Variants in RIMS3 observed in about 807,000 individuals in gnomAD.
The protein encoded by RIMS3 is regulating synaptic membrane exocytosis protein 3.
In RIMS3, 15 loss-of-function variants were observed where a neutral mutation model predicts 29.2. The observed-to-expected ratio is 0.51, with a 90% CI of 0.34 to 0.79. The LOEUF is 0.79. Ranked by LOEUF, RIMS3 falls within the 30% of genes least tolerant of loss-of-function variation. RIMS3 has a pLI of 0.01. For synonymous variants in RIMS3, 161 were observed against 170.1 expected (o/e 0.95, Z 0.41); for missense variants, 342 against 421.4 (o/e 0.81, Z 1.65).
At chr1:40,633,287 C>T in intron 4 of RIMS3, 106 bp from the exon 5 acceptor site, 3 of 769,080 alleles carry the variant, frequency 3.9e-6, no homozygotes, top group South Asian at 1.6e-5. Context: ...GGGCACGTCC[C>T]TCTGTGCCTC....
the RIMS3 span, among the ~76,000 whole-genome samples, chr1:40,676,483 C>T: frequency 1.3e-5 from 2 of 152,158 alleles, no homozygotes; most frequent in African/African-American, 2.4e-5. Context: ...ACTCCTCCTT[C>T]GATTGTATCT....
chr1:40,677,560 T>A, the RIMS3 span, among the ~76,000 whole-genome samples: 52 of 151,824 alleles, frequency 3.4e-4, no homozygotes, highest in African/African-American at 1.2e-3. Context: ...TAGCCAGGCA[T>A]GGTGGCGGGC....
At chr1:40,633,285 C>T (rs1646501175) in intron 4 of RIMS3, 104 bp from the exon 5 acceptor site, 3 of 776,306 alleles carry the variant, frequency 3.9e-6, no homozygotes. Context: ...CTGGGCACGT[C>T]CCTCTGTGCC....
At position 40,623,803 on chromosome 1, in the gene RIMS3, C is replaced by T. The variant is rs1331162350; in HGVS notation, c.*2714G>A. The T allele has an allele frequency of 8.6e-6, 3 of 347,310 alleles. No individual in the cohort carries two copies. Among genetic ancestry groups the T allele is most frequent in the Non-Finnish European group, 1.5e-5 (3 of 193,896 alleles). 21.5% of individuals were successfully genotyped at this position (347,310 alleles called of 1,614,324 possible). A position where few individuals can be genotyped will look rare whatever the true frequency, so the allele number is the denominator to read the frequency against. On this transcript the variant is annotated 3_prime_UTR_variant, in exon 8 of 8. Coordinates refer to ENST00000372684, the MANE Select transcript of RIMS3 (RefSeq NM_014747.3). ...CCCCTGCATCCATGATGCTGAGAAA[C>T]AGACCCTTAAGTGCAGCCACACTGC...
At chr1:40,643,201 G>A (rs911964333) in intron 2 of RIMS3, among the ~76,000 whole-genome samples, 2 of 151,604 alleles carry the variant, frequency 1.3e-5, no homozygotes, top group Admixed American at 6.6e-5. Context: ...GCACAATCTC[G>A]GCTCACTGCA....
At chr1:40,680,330 G>GTTTTT in the RIMS3 span, among the ~76,000 whole-genome samples, 1 of 127,156 alleles carries the variant, frequency 7.9e-6, no homozygotes, top group African/African-American at 3.0e-5. Flanking sequence ...AGAGTAAATA[G>GTTTTT]TTTTTTTTTT....
upstream of RIMS3, among the ~76,000 whole-genome samples, chr1:40,666,756 G>A (rs1291924323): frequency 2.0e-5 from 3 of 152,152 alleles, no homozygotes; most frequent in East Asian, 1.9e-4. Context: ...AGCTGGGTGC[G>A]GTGGCTCATG....
the RIMS3 span, among the ~76,000 whole-genome samples, chr1:40,679,872 GT>G: frequency 6.6e-6 from 1 of 151,960 alleles, no homozygotes; most frequent in Admixed American, 6.6e-5. Flanking sequence ...AGAAGAAAGA[GT>G]AGCCTGGATG....
the RIMS3 span, among the ~76,000 whole-genome samples, chr1:40,689,419 T>C: frequency 0.021 from 3,147 of 152,260 alleles, 45 homozygotes; most frequent in East Asian, 0.031. Flanking sequence ...GTAGCTGGGA[T>C]TGCAGGTGCC....
At chr1:40,653,444 C>G (rs1033282914) in intron 1 of RIMS3, among the ~76,000 whole-genome samples, 2 of 152,086 alleles carry the variant, frequency 1.3e-5, no homozygotes, top group African/African-American at 2.4e-5. Flanking sequence ...AGAGGCCTGC[C>G]CAGCTCAGGA....
In RIMS3 at chr1:40,623,357, G is replaced by A. The variant is rs1450291289; in HGVS notation, c.*3160C>T. 7.5e-6 allele frequency: 3 copies of A among 398,422 alleles called. No homozygotes were observed. The highest frequency in any genetic ancestry group is 1.3e-5 in the Non-Finnish European group (3 of 226,072). The allele number at this position is 398,422 out of a possible 1,614,324, so 24.7% of individuals were successfully genotyped here. A position where few individuals can be genotyped will look rare whatever the true frequency, so the allele number is the denominator to read the frequency against. The stretch of plus-strand genomic sequence containing the variant: ...TTTTCATACCAAAAACCCATTGCAG[G>A]GAAAAGGAGTCTATGAAGAAAGTGG... On this transcript the variant is annotated 3_prime_UTR_variant, in exon 8 of 8. Coordinates refer to ENST00000372684, the MANE Select transcript of RIMS3 (RefSeq NM_014747.3).
intron 5 of RIMS3, 58 bp downstream of exon 5, chr1:40,632,999 CCCACTGAGCTCA>C: frequency 8.4e-7 from 1 of 1,191,364 alleles, no homozygotes; most frequent in African/African-American, 1.5e-5. Flanking sequence ...ATGCAGGGCC[CCCACTGAGCTCA>C]CCCTTCCTGT....
In RIMS3 at chr1:40,654,442, C is replaced by T. The variant is rs1232882021; in HGVS notation, c.-206-6600G>A. Among the ~76,000 whole-genome samples the T allele has an allele frequency of 6.6e-6, 1 of 152,198 alleles. No individual in the cohort carries two copies. The highest frequency in any genetic ancestry group is 1.5e-5 in the Non-Finnish European group (1 of 68,034). ...ATACACCTCCGGTTGGCCACTCCGA[C>T]GCGCCACAGAGCGAGATGCACGCTG... On this transcript the variant is annotated intron_variant, in intron 1 of 7. Transcript: ENST00000372684. The surrounding 1 kb of genome is among the most constrained non-coding windows in gnomAD (Gnocchi z 5.3).
the RIMS3 span, among the ~76,000 whole-genome samples, chr1:40,689,669 T>C: frequency 6.6e-6 from 1 of 152,188 alleles, no homozygotes; most frequent in African/African-American, 2.4e-5. Context: ...CCTAATCTCC[T>C]AGGGACAGGC....
Position 40,626,353 on chromosome 1 carries a change from C to A in RIMS3, c.*164G>T, listed in dbSNP as rs1444164463. 8 of 692,242 alleles carry A rather than the reference C, an allele frequency of 1.2e-5. No homozygotes were observed. The highest frequency in any genetic ancestry group is 3.7e-4 in the Middle Eastern group (1 of 2,710). 42.9% of individuals were successfully genotyped at this position (692,242 alleles called of 1,614,324 possible). On this transcript the variant is annotated 3_prime_UTR_variant, in exon 8 of 8. Transcript: ENST00000372684. ...ACACACACACACACGCACGCACACACGCACACACTACAGTCTCCACTGCCA... is the reference window on the plus strand; with the variant it reads ...ACACACACACACACGCACGCACACAAGCACACACTACAGTCTCCACTGCCA...
intron 3 of RIMS3, among the ~76,000 whole-genome samples, chr1:40,641,467 T>C (rs555903973): frequency 2.0e-5 from 3 of 152,346 alleles, no homozygotes; most frequent in East Asian, 3.9e-4. Flanking sequence ...CACCTACTAG[T>C]TGTGCAGTTT....
In RIMS3 at chr1:40,626,234, C is replaced by A; in HGVS notation, c.*283G>T. 4.1e-6 allele frequency: 2 copies of A among 490,986 alleles called. No homozygotes were observed. The highest frequency in any genetic ancestry group is 7.5e-6 in the Non-Finnish European group (2 of 267,060). The allele number at this position is 490,986 out of a possible 1,614,324, so 30.4% of individuals were successfully genotyped here. On this transcript the variant is annotated 3_prime_UTR_variant, in exon 8 of 8. Coordinates refer to ENST00000372684, the MANE Select transcript of RIMS3 (RefSeq NM_014747.3). ...AACACTCCTTTGGGTTTCTTTTCAA[C>A]AAGACACAAAGAGACGTGGAGACAT...
Position 40,628,204 on chromosome 1 carries a change from G to A in RIMS3, c.714+606C>T, listed in dbSNP as rs575193167. 7.2e-5 allele frequency among the ~76,000 whole-genome samples: 11 copies of A among 152,334 alleles called. No homozygotes were observed. The East Asian group carries it at 2.1e-3, about 29-fold the overall frequency. The stretch of plus-strand genomic sequence containing the variant: ...GAATCTGAACCTAGGACTGAGCCCA[G>A]AGACTGATCCACCACTGTGCTTTAT... On this transcript the variant is annotated intron_variant, in intron 7 of 7. Coordinates refer to ENST00000372684, the MANE Select transcript of RIMS3 (RefSeq NM_014747.3).
chr1:40,681,961 G>A, the RIMS3 span, among the ~76,000 whole-genome samples: 4 of 152,164 alleles, frequency 2.6e-5, no homozygotes, highest in African/African-American at 4.8e-5. Flanking sequence ...CGCCTCCCAA[G>A]TAGCTGGAAT....
Sources: gnomAD v4.1 joint callset for allele counts (sites outside exome capture counted in the v4.1 genomes callset) on GRCh38, gnomAD v4.1.1 for gene constraint, Gnocchi (gnomAD v3.1) non-coding constraint, MANE v1.5 for transcripts, NCBI Gene and HGNC (gene_info 2026-07-23, HGNC 2026-07-21) for gene names.